Variants in BOD1L1 observed in about 807,000 individuals in gnomAD.
BOD1L1 encodes biorientation of chromosomes in cell division protein 1-like 1.
In BOD1L1, 86 loss-of-function variants were observed where a neutral mutation model predicts 240.7. That is an observed-to-expected ratio of 0.36 (90% CI 0.30 to 0.43). BOD1L1 has a LOEUF of 0.43. BOD1L1 is among the 20% of genes least tolerant of loss of function. The pLI is 1.00. For synonymous variants in BOD1L1, 1,268 were observed against 1,272.3 expected (o/e 1.00, Z 0.07); for missense variants, 3,554 against 3,643.5 (o/e 0.98, Z 0.63).
At chr4:13,608,432 C>G in intron 8 of BOD1L1, 98 bp downstream of exon 8, 1 of 1,150,234 alleles carries the variant, frequency 8.7e-7, no homozygotes, top group South Asian at 2.4e-5. Flanking sequence ...GTAACATACA[C>G]AACCAAAGTA....
At position 13,581,164 on chromosome 4, in the gene BOD1L1, C is replaced by T. The variant is rs1173350600; in HGVS notation, c.8636G>A (p.Arg2879His). 1.3e-6 allele frequency: 2 copies of T among 1,576,320 alleles called. No homozygotes were observed. The highest frequency in any genetic ancestry group is 1.8e-5 in the Admixed American group (1 of 54,974). ...TAACGTTGTTTCTACAGGGTATTTG[C>T]GAGGTCTTCCTCTTTTCCTTTTAAT... Reference protein sequence around the residue: ...IIIKRKRGRPRKYPVETTLKM... With the variant: ...IIIKRKRGRPHKYPVETTLKM... Residue 2879 changes from arginine to histidine, a missense_variant, in exon 20 of 26, where the codon CGC (arginine) becomes CAC (histidine). Arg to His is a conservative substitution (Grantham distance 29). Around this residue, in one of 2 missense-constraint regions of BOD1L1, gnomAD observed 3,393 missense variants for 3,427.1 expected, o/e 0.99. Transcript: ENST00000040738.
chr4:13,602,121 C>G lies in BOD1L1; in HGVS notation c.4779G>C (p.Gly1593=). 6.2e-7 allele frequency: 1 copy of G among 1,614,004 alleles called. No homozygotes were observed. The highest frequency in any genetic ancestry group is 1.3e-5 in the African/African-American group (1 of 75,050). ...CTVFAAAEEG[G]AVVTEGFAES... is the part of the protein sequence containing the mutation. ...CAGCAAATCCCTCTGTGACAACAGCCCCACCTTCTTCAGCTGCAGCAAAAA... is the reference window on the plus strand; with the variant it reads ...CAGCAAATCCCTCTGTGACAACAGCGCCACCTTCTTCAGCTGCAGCAAAAA... The change falls in exon 10 of 26, where the codon GGG becomes GGC. Residue 1593 remains glycine (G), a synonymous_variant. Coordinates refer to ENST00000040738, the MANE Select transcript of BOD1L1 (RefSeq NM_148894.3).
intron 15 of BOD1L1, 56 bp from the exon 16 acceptor site, chr4:13,587,827 A>G (rs947070962): frequency 1.7e-6 from 2 of 1,167,428 alleles, no homozygotes; most frequent in Middle Eastern, 3.9e-4. Flanking sequence ...AAATAAACTG[A>G]AAGAGGAGCA....
intron 25 of BOD1L1, among the ~76,000 whole-genome samples, chr4:13,571,275 A>G (rs1261622270): frequency 1.3e-5 from 2 of 152,238 alleles, no homozygotes. Context: ...TGTCCTGTCA[A>G]TGAATCAAAG....
intron 17 of BOD1L1, 88 bp downstream of exon 17, chr4:13,586,308 A>G: frequency 1.6e-6 from 1 of 644,576 alleles, no homozygotes; most frequent in South Asian, 2.7e-5. Flanking sequence ...AGTAAAATGA[A>G]AAAAATATTA....
intron 12 of BOD1L1, chr4:13,592,384 T>C (rs920088125): frequency 1.3e-5 from 2 of 158,192 alleles, no homozygotes; most frequent in Non-Finnish European, 2.8e-5. Context: ...GGTCTGTTTA[T>C]ATGCTTTGGA....
rs780932911 is a variant in BOD1L1 at position 13,602,895 on chromosome 4, T to C, written c.4005A>G (p.Ser1335=). Residue 1335 remains serine, a synonymous_variant, in exon 10 of 26, where the codon TCA becomes TCG. Transcript: ENST00000040738. The part of the protein sequence containing the change: ...LPNQSLTVRE[S]EVLKTSDSKE... Reference sequence around the variant, plus strand: ...TGCTGTCACTTGTCTTAAGGACTTCTGATTCCCTAACAGTCAGACTTTGGT... The same window carrying C: ...TGCTGTCACTTGTCTTAAGGACTTCCGATTCCCTAACAGTCAGACTTTGGT... 1.1e-4 allele frequency: 178 copies of C among 1,613,934 alleles called. No individual in the cohort carries two copies. The highest frequency in any genetic ancestry group is 1.5e-4 in the Non-Finnish European group (172 of 1,179,906).
chr4:13,611,535 T>C (rs1716171420), intron 5 of BOD1L1, among the ~76,000 whole-genome samples: 1 of 152,210 alleles, frequency 6.6e-6, no homozygotes, highest in South Asian at 2.1e-4. Flanking sequence ...TATTTGAATA[T>C]GATCTGGTGG....
chr4:13,622,983 C>A (rs894695039), intron 1 of BOD1L1, among the ~76,000 whole-genome samples: 15 of 152,212 alleles, frequency 9.9e-5, no homozygotes, highest in Admixed American at 2.6e-4. Flanking sequence ...TGTCTCAGCT[C>A]TTCTATACTT....
intron 25 of BOD1L1, among the ~76,000 whole-genome samples, chr4:13,570,798 T>G (rs1712148037): frequency 6.6e-6 from 1 of 152,162 alleles, no homozygotes. Context: ...GCCTTCTACT[T>G]GTGCACCATC....
In BOD1L1 at chr4:13,604,893, T is replaced by C. The variant is rs771527755; in HGVS notation, c.2007A>G (p.Glu669=). Residue 669 remains glutamate (E), a synonymous_variant, in exon 10 of 26, where the codon GAA becomes GAG. Transcript: ENST00000040738. Reference sequence around the variant, plus strand: ...TTTTTACATCTCTTGTGTCAGTCTCTTCCTGTACCCCCTCCATGATAACAG... The same window carrying C: ...TTTTTACATCTCTTGTGTCAGTCTCCTCCTGTACCCCCTCCATGATAACAG... ...STPVIMEGVQ[E]ETDTRDVKRQ... is the part of the protein sequence containing the mutation. The C allele has an allele frequency of 1.9e-6, 3 of 1,613,446 alleles. No individual in the cohort carries two copies. Among genetic ancestry groups the C allele is most frequent in the South Asian group, 2.2e-5 (2 of 90,886 alleles).
In BOD1L1 at chr4:13,607,209, A is replaced by C. The variant is rs1409212461; in HGVS notation, c.1743-20T>G. 6.8e-7 allele frequency: 1 copy of C among 1,474,728 alleles called. No individual in the cohort carries two copies. The highest frequency in any genetic ancestry group is 9.1e-7 in the Non-Finnish European group (1 of 1,104,918). The allele number at this position is 1,474,728 out of a possible 1,614,324, so 91.4% of individuals were successfully genotyped here. ...ACATTCCTAAGGGGGAAAGAGTCAA[A>C]TATAAAGCATGAATCAAATACGAAA... On this transcript the variant is annotated intron_variant, in intron 8 of 25. Transcript: ENST00000040738.
intron 1 of BOD1L1, among the ~76,000 whole-genome samples, chr4:13,622,412 T>C (rs1717103086): frequency 6.6e-6 from 1 of 152,158 alleles, no homozygotes; most frequent in Admixed American, 6.5e-5. Flanking sequence ...AGAAGTATTC[T>C]CCTAGGAACA....
At position 13,604,902 on chromosome 4, in the gene BOD1L1, C is replaced by A. The variant is rs1054368388; in HGVS notation, c.1998G>T (p.Gly666=). ...CTCTTGTGTCAGTCTCTTCCTGTACCCCCTCCATGATAACAGGGGTAGATG... is the reference window on the plus strand; with the variant it reads ...CTCTTGTGTCAGTCTCTTCCTGTACACCCTCCATGATAACAGGGGTAGATG... ...RRTSTPVIME[G]VQEETDTRDV... The change falls in exon 10 of 26, where the codon GGG becomes GGT. Residue 666 remains glycine, a synonymous_variant. Coordinates refer to ENST00000040738, the MANE Select transcript of BOD1L1 (RefSeq NM_148894.3). 1.9e-6 allele frequency: 3 copies of A among 1,613,260 alleles called. No individual in the cohort carries two copies. Among genetic ancestry groups the A allele is most frequent in the East Asian group, 4.5e-5 (2 of 44,854 alleles).
At chr4:13,589,541 G>A (rs117572609) in intron 14 of BOD1L1, among the ~76,000 whole-genome samples, 2 of 152,272 alleles carry the variant, frequency 1.3e-5, no homozygotes, top group East Asian at 1.9e-4. Flanking sequence ...TTTATGTAAC[G>A]TGAGACCACA....
chr4:13,570,261 T>C (rs945978438), intron 25 of BOD1L1, 133 bp from the exon 26 acceptor site: 4 of 589,108 alleles, frequency 6.8e-6, no homozygotes, highest in Non-Finnish European at 1.1e-5. Context: ...CATTTATACA[T>C]GAAAAGGAGC....
intron 3 of BOD1L1, among the ~76,000 whole-genome samples, 200 bp from the exon 4 acceptor site, chr4:13,615,010 G>T (rs927543946): frequency 1.3e-5 from 2 of 152,006 alleles, no homozygotes; most frequent in African/African-American, 4.8e-5. Flanking sequence ...TTATCTTAGC[G>T]AGGGCACCAT....
intron 1 of BOD1L1, among the ~76,000 whole-genome samples, chr4:13,626,519 G>T (rs1258738198): frequency 6.6e-6 from 1 of 152,044 alleles, no homozygotes; most frequent in Non-Finnish European, 1.5e-5. Flanking sequence ...GGTGTCTTTG[G>T]CTAATTCTTT....
At position 13,604,294 on chromosome 4, in the gene BOD1L1, T is replaced by C. The variant is rs1329638240; in HGVS notation, c.2606A>G (p.Glu869Gly). The C allele has an allele frequency of 1.2e-6, 2 of 1,605,196 alleles. No homozygotes were observed. Among genetic ancestry groups the C allele is most frequent in the Non-Finnish European group, 1.7e-6 (2 of 1,177,744 alleles). The change falls in exon 10 of 26, where the codon GAA (glutamate) becomes GGA (glycine). Residue 869 changes from glutamate (E) to glycine (G), a missense_variant. By Grantham distance (98) the Glu-to-Gly change is moderately conservative (BLOSUM62 -2). Transcript: ENST00000040738. ...QHGITLQRRS[E>G]SYSEDKCDMD... is the part of the protein sequence containing the mutation. ...ATCACACTTATCTTCCGAATAACTT[T>C]CACTTCTTCTCTGTAATGTGATACC...
Sources: allele counts gnomAD v4.1 joint callset (sites outside exome capture counted in the v4.1 genomes callset), GRCh38; gene constraint gnomAD v4.1.1; regional missense constraint gnomAD v4.1.1; transcripts MANE v1.5; gene names NCBI Gene and HGNC (gene_info 2026-07-23, HGNC 2026-07-21).